The following PI4KA variants were observed in gnomAD, a reference collection of about 807,000 sequenced individuals.
The protein encoded by PI4KA is phosphatidylinositol 4-kinase alpha.
PI4KA carries 122 observed loss-of-function variants against 271.4 expected under a neutral mutation model. The ratio of observed to expected loss-of-function variants is 0.45; its 90% CI spans 0.39 to 0.52. The LOEUF (loss-of-function observed/expected upper bound fraction) is 0.52, where lower values mean the gene tolerates loss of function less well. PI4KA is among the 20% of genes least tolerant of loss of function. The probability of loss-of-function intolerance (pLI) is 0.00; values close to 1 mark genes in which losing one functional copy is unlikely to be tolerated. For missense variants in PI4KA, 1,969 were observed against 2,769.1 expected (o/e 0.71, Z 6.48); for synonymous variants, 1,041 against 1,078.8 (o/e 0.96, Z 0.69).
chr22:20,810,913 T>C (rs1935964881), intron 9 of PI4KA, 54 bp downstream of exon 9: 3 of 1,322,714 alleles, frequency 2.3e-6, no homozygotes, highest in South Asian at 1.2e-5. Context: ...CTGCTTTCTC[T>C]ACACACGTTT....
intron 1 of PI4KA, among the ~76,000 whole-genome samples, chr22:20,842,744 C>G (rs753567117): frequency 6.6e-6 from 1 of 150,834 alleles, no homozygotes. Flanking sequence ...ACCCAGGAGC[C>G]GGAGATAGCA....
At chr22:20,846,620 A>C (rs1041601546) in intron 1 of PI4KA, among the ~76,000 whole-genome samples, 6 of 151,896 alleles carry the variant, frequency 4.0e-5, no homozygotes, top group Non-Finnish European at 5.9e-5. Flanking sequence ...AGGCGGGTGG[A>C]TCACTTTAGG....
chr22:20,857,602 C>T (rs965859075), intron 1 of PI4KA, among the ~76,000 whole-genome samples: 7 of 152,230 alleles, frequency 4.6e-5, no homozygotes, highest in African/African-American at 7.2e-5. Context: ...AGTCTCATCG[C>T]ACACGGGTGG....
chr22:20,847,754 C>CAAA (rs361953), intron 1 of PI4KA, among the ~76,000 whole-genome samples: 101 of 138,484 alleles, frequency 7.3e-4, no homozygotes, highest in East Asian at 1.9e-3. Context: ...GACCCTGTTT[C>CAAA]AAAAAAAAAA....
intron 1 of PI4KA, among the ~76,000 whole-genome samples, chr22:20,846,353 T>C (rs1356596324): frequency 1.3e-5 from 2 of 150,948 alleles, no homozygotes; most frequent in Non-Finnish European, 1.5e-5. Context: ...AACTATTCCA[T>C]GGTTAATTTT....
chr22:20,783,688 G>A (rs2147503562), intron 19 of PI4KA, among the ~76,000 whole-genome samples: 1 of 152,314 alleles, frequency 6.6e-6, no homozygotes, highest in South Asian at 2.1e-4. Flanking sequence ...AGATGTGACA[G>A]ATGAAGAAAT....
chr22:20,728,076 T>C (rs1927580243), intron 39 of PI4KA, among the ~76,000 whole-genome samples: 1 of 152,172 alleles, frequency 6.6e-6, no homozygotes, highest in Admixed American at 6.5e-5. Flanking sequence ...AACTTAATTG[T>C]ATATTGAAAA....
intron 1 of PI4KA, among the ~76,000 whole-genome samples, chr22:20,850,920 C>T (rs1569102314): frequency 1.3e-5 from 2 of 152,070 alleles, no homozygotes; most frequent in Non-Finnish European, 2.9e-5. Context: ...ATGTGCGTGC[C>T]TGTAGTCCCA....
At chr22:20,855,150 CAAA>C (rs361996) in intron 1 of PI4KA, among the ~76,000 whole-genome samples, 12 of 121,486 alleles carry the variant, frequency 9.9e-5, no homozygotes, top group Non-Finnish European at 1.1e-4. Context: ...GAAACTGTCT[CAAA>C]AAAAAAAAAA....
intron 3 of PI4KA, among the ~76,000 whole-genome samples, chr22:20,833,950 G>A (rs1421147578): frequency 2.6e-5 from 4 of 151,866 alleles, no homozygotes; most frequent in African/African-American, 9.7e-5. Flanking sequence ...GAGCCACCAC[G>A]CCCGGCCGAC....
Position 20,761,385 on chromosome 22 carries a change from C to T in PI4KA, c.2710G>A (p.Val904Ile), listed in dbSNP as rs912678963. 1 of 1,604,288 alleles carries T rather than the reference C, an allele frequency of 6.2e-7. No homozygotes were observed. Among genetic ancestry groups the T allele is most frequent in the South Asian group, 1.1e-5 (1 of 90,878 alleles). Residue 904 changes from valine to isoleucine, a missense_variant and splice_region_variant, in exon 23 of 55, where the codon GTA becomes ATA. Val to Ile is a conservative substitution (Grantham distance 29, BLOSUM62 3). Coordinates refer to ENST00000255882, the MANE Select transcript of PI4KA (RefSeq NM_058004.4). ...LSVYRLEYMR[V>I]LRSTDPDRFQ... ...CGATCAGGATCTGTTGAACGCAGTA[C>T]CCTAAGAAGAAAACAGCTTTAAATA...
chr22:20,762,033 T>C (rs1167420114), intron 22 of PI4KA, among the ~76,000 whole-genome samples: 1 of 152,226 alleles, frequency 6.6e-6, no homozygotes, highest in East Asian at 1.9e-4. Context: ...ACTATTCCAG[T>C]GTTTTCTCTT....
chr22:20,797,617 A>G (rs1418067001), intron 17 of PI4KA, among the ~76,000 whole-genome samples: 14 of 152,200 alleles, frequency 9.2e-5, no homozygotes. Flanking sequence ...GATGCGAGAG[A>G]CAGCTCTATT....
In PI4KA at chr22:20,742,733, G is replaced by T. The variant is rs778803248; in HGVS notation, c.3488C>A (p.Thr1163Lys). 1.2e-6 allele frequency: 2 copies of T among 1,614,132 alleles called. No individual in the cohort carries two copies. The highest frequency in any genetic ancestry group is 2.7e-5 in the African/African-American group (2 of 75,036). The change falls in exon 31 of 55, where the codon ACA (threonine) becomes AAA (lysine). Residue 1163 changes from threonine (T) to lysine (K), a missense_variant. By Grantham distance (78) the Thr-to-Lys change is moderately conservative (BLOSUM62 -1). Transcript: ENST00000255882. ...VYGMIRFSGT[T>K]GQMSDLNKMM... ...TTTGTTCAGGTCAGACATCTGGCCTGTGGTGCCTGAGAACCGAATCATTCC... is the reference window on the plus strand; with the variant it reads ...TTTGTTCAGGTCAGACATCTGGCCTTTGGTGCCTGAGAACCGAATCATTCC...
intron 19 of PI4KA, among the ~76,000 whole-genome samples, chr22:20,769,563 G>A (rs1047287940): frequency 1.3e-5 from 2 of 152,030 alleles, no homozygotes; most frequent in Admixed American, 1.3e-4. Flanking sequence ...CAGGTACTCG[G>A]GAGGCTGAAG....
At chr22:20,816,656 A>C (rs1454839075) in intron 7 of PI4KA, among the ~76,000 whole-genome samples, 4 of 152,186 alleles carry the variant, frequency 2.6e-5, no homozygotes, top group Non-Finnish European at 5.9e-5. Context: ...GTCCAAGTAA[A>C]ACAGGTAGTT....
chr22:20,835,777 G>A lies in PI4KA; in HGVS notation c.274-1122C>T, dbSNP rs188583787. 1.4e-3 allele frequency among the ~76,000 whole-genome samples: 213 copies of A among 149,722 alleles called. 4 individuals are homozygous for A. The highest frequency in any genetic ancestry group is 0.011 in the Admixed American group (166 of 15,020). ...AGCATGGCAGAAGGTGGCCGGGTGCGGTGGCTCACACCTGTAATCCCAGCA... is the reference window on the plus strand; with the variant it reads ...AGCATGGCAGAAGGTGGCCGGGTGCAGTGGCTCACACCTGTAATCCCAGCA... On this transcript the variant is annotated intron_variant, in intron 2 of 54. Transcript: ENST00000255882.
At chr22:20,736,095 C>G (rs775285837) in intron 32 of PI4KA, among the ~76,000 whole-genome samples, 1 of 152,000 alleles carries the variant, frequency 6.6e-6, no homozygotes, top group Non-Finnish European at 1.5e-5. Context: ...AACAGCAGTG[C>G]GAGTGAGCGT....
chr22:20,721,621 T>A (rs1487678559), intron 42 of PI4KA: 1 of 569,704 alleles, frequency 1.8e-6, no homozygotes, highest in Non-Finnish European at 3.1e-6. Flanking sequence ...GGCTGGGACC[T>A]GGGGGGCAGG....
Sources: allele counts gnomAD v4.1 joint callset (sites outside exome capture counted in the v4.1 genomes callset), GRCh38; gene constraint gnomAD v4.1.1; transcripts MANE v1.5; gene names NCBI Gene and HGNC (gene_info 2026-07-23, HGNC 2026-07-21).